Variants in HCFC1 observed in about 807,000 individuals in gnomAD.
HCFC1 encodes host cell factor C1, also known as host cell factor 1.
HCFC1 carries 7 observed loss-of-function variants against 105.5 expected under a neutral mutation model. The ratio of observed to expected loss-of-function variants is 0.07; its 90% CI spans 0.04 to 0.12. The LOEUF (loss-of-function observed/expected upper bound fraction) is 0.12, where lower values mean the gene tolerates loss of function less well. Among genes scored for constraint, HCFC1 ranks in the 10% least tolerant of loss-of-function variants. The pLI is 1.00. For missense variants in HCFC1, 1,065 were observed against 1,823.6 expected (o/e 0.58, Z 7.58); for synonymous variants, 918 against 828.1 (o/e 1.11, Z -1.86).
chrX:153,955,651 A>G, intron 16 of HCFC1, 109 bp from the exon 17 acceptor site: 2 of 811,789 alleles, frequency 2.5e-6, no homozygotes, highest in Non-Finnish European at 3.4e-6. Context: ...ACCACTTCTC[A>G]ACGGCCCTGG....
At chrX:153,963,735 G>A (rs1434341954) in intron 3 of HCFC1, among the ~76,000 whole-genome samples, 2 of 112,910 alleles carry the variant, frequency 1.8e-5, no homozygotes, top group Non-Finnish European at 3.8e-5. Flanking sequence ...AGAGCAAGAG[G>A]GGGCGCTGGC....
chrX:153,959,700 T>C, intron 8 of HCFC1, 102 bp downstream of exon 8: 1 of 1,060,483 alleles, frequency 9.4e-7, no homozygotes, highest in Admixed American at 3.0e-5. Context: ...TCCCGGCTGC[T>C]GGCCTGCTGT....
At position 153,959,869 on chromosome X, in the gene HCFC1, G is replaced by A. The variant is rs782724445; in HGVS notation, c.1377C>T (p.Thr459=). ...GCACCGTTGGCAAGACCTGGATGGT[G>A]GTGGTGGTCGGGGGTGCGGGGGCAG... is the stretch of plus-strand genomic sequence containing the variant. ...PQAAPAPPTT[T]TIQVLPTVPG... is the part of the protein sequence containing the mutation. Residue 459 remains threonine, a synonymous_variant, in exon 8 of 26, where the codon ACC becomes ACT. Transcript: ENST00000310441. 3.3e-6 allele frequency: 4 copies of A among 1,194,787 alleles called. No homozygotes were observed. The highest frequency in any genetic ancestry group is 2.9e-4 in the Middle Eastern group (1 of 3,450).
chrX:153,953,837 C>T, intron 17 of HCFC1, 67 bp from the exon 18 acceptor site: 2 of 1,072,479 alleles, frequency 1.9e-6, no homozygotes, highest in Non-Finnish European at 1.3e-6. Context: ...GCTTGACCAC[C>T]ACAGGCTTCC....
rs1557116069 is a variant in HCFC1 at position 153,959,392 on chromosome X, G to C, written c.1544C>G (p.Thr515Ser). 3 of 1,210,821 alleles carry C rather than the reference G, an allele frequency of 2.5e-6. No homozygotes were observed. In the African/African-American group the frequency reaches 5.2e-5, roughly 21 times the overall value. ...PASQAGKAPV[T>S]VTSLPAGVRM... ...CACTCCGGCGGGAAGGGAGGTCACGGTGACAGGGGCTTTCCCAGCCTGGCT... is the reference window on the plus strand; with the variant it reads ...CACTCCGGCGGGAAGGGAGGTCACGCTGACAGGGGCTTTCCCAGCCTGGCT... The change falls in exon 9 of 26, where the codon ACC becomes AGC. Residue 515 changes from threonine to serine, a missense_variant. Thr to Ser is a moderately conservative substitution (Grantham distance 58). Around this residue, in one of 17 missense-constraint regions of HCFC1, gnomAD observed 101 missense variants for 155.1 expected, o/e 0.65. Coordinates refer to ENST00000310441, the MANE Select transcript of HCFC1 (RefSeq NM_005334.3).
At chrX:153,970,572 G>T (rs782370885) in intron 1 of HCFC1, 76 bp downstream of exon 1, 1 of 706,470 alleles carries the variant, frequency 1.4e-6, no homozygotes, top group Non-Finnish European at 2.1e-6. Context: ...CAGATGGAGG[G>T]AGGGAGGAAA....
At chrX:153,953,552 C>T in intron 18 of HCFC1, 55 bp downstream of exon 18, 1 of 1,139,692 alleles carries the variant, frequency 8.8e-7, no homozygotes, top group East Asian at 3.0e-5. Context: ...GAGTGTGGAA[C>T]TGCACGGGCG....
At position 153,955,279 on chromosome X, in the gene HCFC1, G is replaced by T. The variant is rs1294346579; in HGVS notation, c.3120C>A (p.His1040Gln). The part of the protein sequence containing the change: ...TTTVVANLGG[H>Q]PQPTQVQFVC... ...CGAACTGCACTTGGGTGGGCTGGGG[G>T]TGTCCCCCAAGGTTAGCCACAACAG... The change falls in exon 17 of 26, where the codon CAC becomes CAA. Residue 1040 changes from histidine to glutamine, a missense_variant. By Grantham distance (24) the His-to-Gln change is conservative. Transcript: ENST00000310441. 1.7e-6 allele frequency: 2 copies of T among 1,208,495 alleles called. No homozygotes were observed. The highest frequency in any genetic ancestry group is 3.5e-5 in the African/African-American group (2 of 56,774).
rs2065453744 is a variant in HCFC1 at position 153,964,059 on chromosome X, T to C, written c.503+65A>G. Reference sequence around the variant, plus strand: ...GCTGCGCACATTCTTTAGGACACCATGGAGCCCTGTGCATGTGAGAGCACA... The same window carrying C: ...GCTGCGCACATTCTTTAGGACACCACGGAGCCCTGTGCATGTGAGAGCACA... On this transcript the variant is annotated intron_variant, in intron 3 of 25. Transcript: ENST00000310441. The C allele has an allele frequency of 2.2e-5, 22 of 993,342 alleles. No individual in the cohort carries two copies. The East Asian group carries it at 6.0e-4, about 27-fold the overall frequency. 81.9% of individuals were successfully genotyped at this position (993,342 alleles called of 1,213,427 possible).
intron 10 of HCFC1, 125 bp downstream of exon 10, chrX:153,958,444 G>T: frequency 1.4e-6 from 1 of 724,484 alleles, no homozygotes. Flanking sequence ...GCTCTCACCT[G>T]AGGCCATGAC....
At position 153,954,406 on chromosome X, in the gene HCFC1, G is replaced by C; in HGVS notation, c.3993C>G (p.His1331Gln). 4 of 1,211,443 alleles carry C rather than the reference G, an allele frequency of 3.3e-6. No homozygotes were observed. The South Asian group carries it at 7.0e-5, about 21-fold the overall frequency. ...CGTTTGAAGTAGCGGTGGTGGCCGT[G>C]TGGGTGGTGCCCGTCTCGTGGGTCT... ...PCETHETGTTHTATTATSNGG... is the reference protein window; with the variant it reads ...PCETHETGTTQTATTATSNGG... The change falls in exon 17 of 26, where the codon CAC becomes CAG. Residue 1331 changes from histidine (H) to glutamine (Q), a missense_variant. By Grantham distance (24) the His-to-Gln change is conservative. This residue lies in a region of HCFC1 where 546 missense variants were observed against 599.9 expected (regional missense o/e 0.91). Transcript: ENST00000310441.
At chrX:153,951,292 C>T in intron 22 of HCFC1, 58 bp downstream of exon 22, 1 of 1,172,653 alleles carries the variant, frequency 8.5e-7, no homozygotes, top group Non-Finnish European at 1.2e-6. Flanking sequence ...AAGCCCCGCT[C>T]AGGGTGGTGG....
chrX:153,954,833 G>A lies in HCFC1; in HGVS notation c.3566C>T (p.Ala1189Val). ...TVMATGAPCS[A>V]GPLLGPSMAR... The stretch of plus-strand genomic sequence containing the variant: ...CATGCTCGGCCCAAGGAGTGGGCCG[G>A]CCGAGCACGGGGCCCCGGTGGCCAT... Residue 1189 changes from alanine (A) to valine (V), a missense_variant, in exon 17 of 26, where the codon GCC becomes GTC. Ala to Val is a moderately conservative substitution (Grantham distance 64, BLOSUM62 0). Coordinates refer to ENST00000310441, the MANE Select transcript of HCFC1 (RefSeq NM_005334.3). 1 of 1,152,921 alleles carries A rather than the reference G, an allele frequency of 8.7e-7. No individual in the cohort carries two copies. The highest frequency in any genetic ancestry group is 1.1e-6 in the Non-Finnish European group (1 of 870,801).
rs2065348571 is a variant in HCFC1 at position 153,954,370 on chromosome X, G to A, written c.4029C>T (p.Gly1343=). 1 of 1,208,025 alleles carries A rather than the reference G, an allele frequency of 8.3e-7. No individual in the cohort carries two copies. The highest frequency in any genetic ancestry group is 1.7e-5 in the African/African-American group (1 of 57,428). The change falls in exon 17 of 26, where the codon GGC becomes GGT. Residue 1343 remains glycine, a synonymous_variant. Coordinates refer to ENST00000310441, the MANE Select transcript of HCFC1 (RefSeq NM_005334.3). ...GGGGCTGCTGCCCACCCTCGGGCTGGCCCGTGCCCCCGTTTGAAGTAGCGG... is the reference window on the plus strand; with the variant it reads ...GGGGCTGCTGCCCACCCTCGGGCTGACCCGTGCCCCCGTTTGAAGTAGCGG... ...ATTATSNGGT[G]QPEGGQQPPA...
chrX:153,953,789 G>A lies in HCFC1; in HGVS notation c.4334-19C>T. The A allele has an allele frequency of 8.4e-7, 1 of 1,189,358 alleles. No homozygotes were observed. Among genetic ancestry groups the A allele is most frequent in the Non-Finnish European group, 1.1e-6 (1 of 884,603 alleles). The stretch of plus-strand genomic sequence containing the variant: ...GGGGGGTCTGTGGGGGCGACAGGCA[G>A]GCGGCTGCTCAGCAGGAGCCCCCCC... On this transcript the variant is annotated intron_variant, in intron 17 of 25. Transcript: ENST00000310441.
At chrX:153,969,122 G>A (rs187001332) in intron 1 of HCFC1, among the ~76,000 whole-genome samples, 90 of 111,464 alleles carry the variant, frequency 8.1e-4, no homozygotes, top group Non-Finnish European at 3.8e-4. Context: ...TTCTGCCTTG[G>A]GGGGTGGGGA....
In HCFC1 at chrX:153,949,359, G is replaced by A. The variant is rs782174121; in HGVS notation, c.6096C>T (p.Ala2032=). ...EMKSAPKKSK[A]DGQ is the part of the protein sequence containing the mutation. ...AGTCAGCTTCCTCTCACTGACCATC[G>A]GCCTTAGATTTCTTTGGAGCAGATT... The change falls in exon 26 of 26, where the codon GCC becomes GCT. Residue 2032 remains alanine, a synonymous_variant. Transcript: ENST00000310441. The A allele has an allele frequency of 2.7e-5, 33 of 1,204,963 alleles. No homozygotes were observed. In the South Asian group the frequency reaches 2.8e-4, roughly 10 times the overall value.
chrX:153,964,370 T>C (rs781828002), intron 2 of HCFC1, 86 bp from the exon 3 acceptor site: 31 of 977,111 alleles, frequency 3.2e-5, no homozygotes, highest in African/African-American at 2.6e-4. Flanking sequence ...GAGGAGGAAA[T>C]GGCCGGGGGT....
intron 19 of HCFC1, 138 bp from the exon 20 acceptor site, chrX:153,952,296 G>A (rs2065321117): frequency 9.8e-6 from 10 of 1,019,648 alleles, no homozygotes; most frequent in Middle Eastern, 3.8e-4. Flanking sequence ...AGCCCTGGCC[G>A]AGGGGCCCTG....
Sources: gnomAD v4.1 joint callset for allele counts (sites outside exome capture counted in the v4.1 genomes callset) on GRCh38, gnomAD v4.1.1 for gene constraint, gnomAD v4.1.1 regional missense constraint, MANE v1.5 for transcripts, NCBI Gene and HGNC (gene_info 2026-07-23, HGNC 2026-07-21) for gene names.